MAP4K4: variants seen among roughly 807,000 people sequenced by gnomAD.
The protein encoded by MAP4K4 is HPK/GCK-like kinase HGK.
In MAP4K4, 38 loss-of-function variants were observed where a neutral mutation model predicts 189.6. The observed-to-expected ratio is 0.20, with a 90% confidence interval of 0.15 to 0.26. The LOEUF (loss-of-function observed/expected upper bound fraction) is 0.26, where lower values mean the gene tolerates loss of function less well. Among genes scored for constraint, MAP4K4 ranks in the 10% least tolerant of loss-of-function variants. The probability of loss-of-function intolerance (pLI) is 1.00; values close to 1 mark genes in which losing one functional copy is unlikely to be tolerated. For missense variants in MAP4K4, 1,054 were observed against 1,726.9 expected, an observed-to-expected ratio of 0.61 and a Z score of 6.91; for synonymous variants, 610 against 624.3, an observed-to-expected ratio of 0.98 and a Z score of 0.34.
intron 2 of MAP4K4, among the ~76,000 whole-genome samples, chr2:101,764,168 T>A (rs1409264221): frequency 6.6e-6 from 1 of 152,170 alleles, no homozygotes; most frequent in African/African-American, 2.4e-5. Flanking sequence ...TGATTGTGCA[T>A]GTATGTATGT....
chr2:101,793,633 TG>T (rs145709151), intron 3 of MAP4K4, among the ~76,000 whole-genome samples: 1,565 of 151,814 alleles, frequency 0.01, 38 homozygotes, highest in African/African-American at 0.036. Context: ...TGCAAATACT[TG>T]TTTTTGGGAA....
At chr2:101,882,775 T>C (rs1373903898) in intron 28 of MAP4K4, 90 bp downstream of exon 28, 1 of 1,300,916 alleles carries the variant, frequency 7.7e-7, no homozygotes, top group South Asian at 1.6e-5. Flanking sequence ...TTTTTGAAGT[T>C]TGTAATAATA....
chr2:101,714,317 C>T (rs559223849), intron 2 of MAP4K4, among the ~76,000 whole-genome samples: 1 of 152,094 alleles, frequency 6.6e-6, no homozygotes, highest in Non-Finnish European at 1.5e-5. Context: ...AGGAAGTTTT[C>T]GCTAAAATGC....
intron 2 of MAP4K4, among the ~76,000 whole-genome samples, chr2:101,767,246 G>C (rs140075679): frequency 9.5e-4 from 145 of 152,320 alleles, no homozygotes; most frequent in African/African-American, 3.4e-3. Flanking sequence ...AAAAGCCACA[G>C]TGGCATGTTT....
rs371181825 is a variant in MAP4K4, at chr2:101,887,344, T to C, written c.3771+107T>C. On this transcript the variant is annotated intron_variant, in intron 30 of 32. Transcript: ENST00000324219. The stretch of plus-strand genomic sequence containing the variant: ...AACACAAGCAGGGATTCATTTCCCC[T>C]TGGTGTGGGGGTGAGTATTTAAATG... The C allele has an allele frequency of 1.1e-4, 126 of 1,157,798 alleles. 1 individual carries two copies. Among genetic ancestry groups the C allele is most frequent in the South Asian group, 6.7e-4 (42 of 62,854 alleles). 71.7% of individuals were successfully genotyped at this position (1,157,798 alleles called of 1,614,324 possible).
intron 3 of MAP4K4, among the ~76,000 whole-genome samples, chr2:101,812,701 A>C (rs2095505300): frequency 6.6e-6 from 1 of 152,200 alleles, no homozygotes; most frequent in South Asian, 2.1e-4. Context: ...TAATTGCCAT[A>C]CAGTGTGCTT....
intron 16 of MAP4K4, 140 bp from the exon 17 acceptor site, chr2:101,863,681 C>A (rs1336653953): frequency 2.2e-6 from 1 of 449,956 alleles, no homozygotes. Context: ...GTAACTGTTT[C>A]ACTGCGTGGC....
chr2:101,704,457 G>A (rs1263572271), intron 2 of MAP4K4, among the ~76,000 whole-genome samples: 2 of 144,902 alleles, frequency 1.4e-5, no homozygotes, highest in African/African-American at 2.6e-5. Flanking sequence ...TGTGATAAAT[G>A]TACATTTATT....
chr2:101,796,411 C>G (rs915403324), intron 3 of MAP4K4, among the ~76,000 whole-genome samples: 1 of 152,198 alleles, frequency 6.6e-6, no homozygotes, highest in Admixed American at 6.5e-5. Flanking sequence ...AGCCCACTCC[C>G]TTCTGTCTGT....
intron 2 of MAP4K4, among the ~76,000 whole-genome samples, chr2:101,716,668 T>C (rs926191038): frequency 9.8e-5 from 15 of 152,314 alleles, no homozygotes; most frequent in African/African-American, 3.6e-4. Context: ...TCTTTGTTCA[T>C]ACTTTTGTAG....
intron 2 of MAP4K4, among the ~76,000 whole-genome samples, chr2:101,726,626 C>T (rs1262489225): frequency 1.3e-5 from 2 of 152,124 alleles, no homozygotes; most frequent in African/African-American, 2.4e-5. Context: ...ATTATCAAGA[C>T]CTCAAATTTT....
chr2:101,815,977 C>G (rs1195590562), intron 3 of MAP4K4, among the ~76,000 whole-genome samples: 4 of 152,162 alleles, frequency 2.6e-5, no homozygotes, highest in Non-Finnish European at 5.9e-5. Context: ...GCAGCTGTCT[C>G]CTTTCTGGTA....
chr2:101,804,269 C>T (rs2094683686), intron 3 of MAP4K4, among the ~76,000 whole-genome samples: 1 of 152,138 alleles, frequency 6.6e-6, no homozygotes, highest in Non-Finnish European at 1.5e-5. Flanking sequence ...AATTGCAAAA[C>T]AATTGTCCCG....
intron 30 of MAP4K4, 57 bp from the exon 31 acceptor site, chr2:101,887,721 C>T (rs915513952): frequency 8.3e-6 from 12 of 1,438,392 alleles, no homozygotes; most frequent in Non-Finnish European, 9.5e-6. Flanking sequence ...TGAGCACTTG[C>T]ACAGGGCTGG....
intron 2 of MAP4K4, among the ~76,000 whole-genome samples, chr2:101,790,123 C>G (rs1192662744): frequency 6.6e-6 from 1 of 152,070 alleles, no homozygotes; most frequent in African/African-American, 2.4e-5. Context: ...TTCTTGCAGT[C>G]CCTACATTGG....
At chr2:101,703,267 G>T (rs1012525528) in intron 2 of MAP4K4, among the ~76,000 whole-genome samples, 16 of 151,940 alleles carry the variant, frequency 1.1e-4, no homozygotes, top group Non-Finnish European at 2.2e-4. Flanking sequence ...TCTTTGCTAG[G>T]TTTAACATGT....
At chr2:101,697,783 C>A (rs1222365962) in exon 1 of MAP4K4, 1 of 145,426 alleles carries the variant, frequency 6.9e-6, no homozygotes, top group Non-Finnish European at 1.5e-5. Context: ...GCGCGGGCGC[C>A]GGGGCCTGAG....
At chr2:101,719,480 T>A (rs1380028361) in intron 2 of MAP4K4, among the ~76,000 whole-genome samples, 2 of 152,144 alleles carry the variant, frequency 1.3e-5, no homozygotes, top group Non-Finnish European at 2.9e-5. Flanking sequence ...TTTGGTGTTT[T>A]GGAGAAGGCA....
chr2:101,888,807 T>G, exon 32 of MAP4K4: 1 of 1,609,262 alleles, frequency 6.2e-7, no homozygotes, highest in Non-Finnish European at 8.5e-7. Context: ...ATATATTCGA[T>G]CCAATCAGAC....
Sources: allele counts gnomAD v4.1 joint callset (sites outside exome capture counted in the v4.1 genomes callset), GRCh38; gene constraint gnomAD v4.1.1; transcripts MANE v1.5; gene names NCBI Gene and HGNC (gene_info 2026-07-23, HGNC 2026-07-21).